The following PDE10A variants were observed in gnomAD, a reference collection of about 807,000 sequenced individuals.
PDE10A encodes phosphodiesterase 10A.
In PDE10A, 39 loss-of-function variants were observed where a neutral mutation model predicts 97.7. The observed-to-expected ratio is 0.40, with a 90% CI of 0.31 to 0.52. The LOEUF is 0.52. Among genes scored for constraint, PDE10A ranks in the 20% least tolerant of loss-of-function variants. The pLI is 0.56. For synonymous variants in PDE10A, 371 were observed against 376.8 expected (o/e 0.98, Z 0.18); for missense variants, 731 against 1,047.8 (o/e 0.70, Z 4.17).
At chr6:165,412,780 A>G (rs1013399268) in intron 13 of PDE10A, among the ~76,000 whole-genome samples, 6 of 152,178 alleles carry the variant, frequency 3.9e-5, no homozygotes, top group Non-Finnish European at 7.3e-5. Flanking sequence ...TAAGGGGGCA[A>G]CTGAATGTAT....
chr6:165,798,285 G>A (rs949518278), intron 1 of PDE10A, among the ~76,000 whole-genome samples: 5 of 152,006 alleles, frequency 3.3e-5, no homozygotes, highest in African/African-American at 9.7e-5. Context: ...TGTAAAATTG[G>A]GCCCTTCTGA....
chr6:165,363,334 G>T (rs974743218), intron 18 of PDE10A, among the ~76,000 whole-genome samples: 2 of 150,868 alleles, frequency 1.3e-5, no homozygotes, highest in African/African-American at 4.8e-5. Flanking sequence ...GGTCAAGATG[G>T]TGAAACCCCG....
chr6:165,385,849 T>C (rs1005540119), intron 17 of PDE10A, among the ~76,000 whole-genome samples: 1 of 152,224 alleles, frequency 6.6e-6, no homozygotes, highest in South Asian at 2.1e-4. Flanking sequence ...ATCGAACATA[T>C]AAATTTGTTT....
rs1426058986 is a variant in PDE10A at position 165,764,685 on chromosome 6, C to T, written c.-614-221117G>A. Among the ~76,000 whole-genome samples the T allele has an allele frequency of 3.3e-5, 5 of 151,958 alleles. No homozygotes were observed. In the East Asian group the frequency reaches 5.8e-4, roughly 18 times the overall value. ...CCTCCTGGCGGGCTTATAGTCCCAC[C>T]GGCTCAGGAGTGAAGCTGCAGACCT... On this transcript the variant is annotated intron_variant, in intron 1 of 19. Coordinates refer to the PDE10A transcript ENST00000366882.
chr6:165,916,310 G>C (rs573750029), intron 1 of PDE10A, among the ~76,000 whole-genome samples: 1 of 152,256 alleles, frequency 6.6e-6, no homozygotes, highest in South Asian at 2.1e-4. Flanking sequence ...GATTCCACAC[G>C]TTCTTCTCTG....
intron 1 of PDE10A, among the ~76,000 whole-genome samples, chr6:165,869,340 T>A (rs1321283247): frequency 1.8e-5 from 2 of 111,826 alleles, no homozygotes; most frequent in East Asian, 6.8e-4. Context: ...GTCTCATTTA[T>A]AATACTACAA....
In PDE10A at chr6:165,482,317, T is replaced by C; in HGVS notation, c.1021A>G (p.Arg341Gly). 1 of 1,595,926 alleles carries C rather than the reference T, an allele frequency of 6.3e-7. No homozygotes were observed. The highest frequency in any genetic ancestry group is 8.6e-7 in the Non-Finnish European group (1 of 1,163,650). The change falls in exon 3 of 22, where the codon AGG (arginine) becomes GGG (glycine). Residue 341 changes from arginine to glycine, a missense_variant and splice_region_variant. This residue lies in a region of PDE10A where 181 missense variants were observed against 159.1 expected (regional missense o/e 1.14). Coordinates refer to ENST00000539869, the MANE Select transcript of PDE10A (RefSeq NM_001385079.1). ...EDESAPKEVS[R>G]YQDTNMQGVV... The stretch of plus-strand genomic sequence containing the variant: ...GAAATAATATTCACATCACTTACCC[T>C]GCTGACTTCCTTAGGAGCTGATTCA...
At chr6:165,544,759 G>A (rs1783649670) in intron 1 of PDE10A, among the ~76,000 whole-genome samples, 1 of 151,750 alleles carries the variant, frequency 6.6e-6, no homozygotes, top group Non-Finnish European at 1.5e-5. Flanking sequence ...ACAACAGAAT[G>A]GTATAACTGA....
chr6:165,578,980 A>G lies in PDE10A; in HGVS notation c.866-35412T>C, dbSNP rs115880434. Among the ~76,000 whole-genome samples, 218 of 152,346 alleles carry G rather than the reference A, an allele frequency of 1.4e-3. 1 individual carries two copies. Among genetic ancestry groups the G allele is most frequent in the African/African-American group, 4.4e-3 (185 of 41,588 alleles). On this transcript the variant is annotated intron_variant, in intron 1 of 21. Transcript: ENST00000539869. ...GCTTCTCACAAACAAATGGACACCC[A>G]CATTGAGCCTTGTAATCCACGAACA...
At chr6:165,647,991 T>C (rs28526472) in intron 1 of PDE10A, among the ~76,000 whole-genome samples, 2 of 152,236 alleles carry the variant, frequency 1.3e-5, no homozygotes, top group Non-Finnish European at 2.9e-5. Flanking sequence ...GTTTAACAAA[T>C]ACAGGCACAC....
At chr6:165,854,203 C>T (rs1442226591) in intron 1 of PDE10A, among the ~76,000 whole-genome samples, 3 of 152,210 alleles carry the variant, frequency 2.0e-5, no homozygotes, top group Non-Finnish European at 4.4e-5. Flanking sequence ...ACCCGGAGAC[C>T]CGGCAGCCAG....
intron 1 of PDE10A, among the ~76,000 whole-genome samples, chr6:165,888,046 G>A (rs562734984): frequency 3.9e-5 from 6 of 152,122 alleles, no homozygotes; most frequent in South Asian, 2.1e-4. Flanking sequence ...GGGGATGCTC[G>A]CTCCTTAAGG....
chr6:165,760,099 T>C (rs1197702315), intron 1 of PDE10A, among the ~76,000 whole-genome samples: 2 of 152,202 alleles, frequency 1.3e-5, no homozygotes, highest in African/African-American at 2.4e-5. Context: ...AGGACTCTTC[T>C]CCAGAAATAA....
At chr6:165,582,718 T>C (rs1309573124) in intron 1 of PDE10A, among the ~76,000 whole-genome samples, 1 of 152,158 alleles carries the variant, frequency 6.6e-6, no homozygotes, top group African/African-American at 2.4e-5. Flanking sequence ...TTTACTACCT[T>C]GTCTTGTTTT....
intron 1 of PDE10A, among the ~76,000 whole-genome samples, chr6:165,821,143 T>C (rs915760999): frequency 2.0e-5 from 3 of 152,148 alleles, no homozygotes; most frequent in South Asian, 4.1e-4. Flanking sequence ...ACCTGCTCAA[T>C]TGGAAGGACA....
chr6:165,601,587 AT>A (rs903085855), intron 1 of PDE10A, among the ~76,000 whole-genome samples: 1 of 152,150 alleles, frequency 6.6e-6, no homozygotes, highest in East Asian at 1.9e-4. Context: ...AAGAGTAATT[AT>A]TTTCAAGATT....
chr6:165,884,618 T>G (rs1483665709), intron 1 of PDE10A, among the ~76,000 whole-genome samples: 2 of 152,258 alleles, frequency 1.3e-5, no homozygotes, highest in Non-Finnish European at 2.9e-5. Flanking sequence ...ATGGGTTTGT[T>G]TGACTCAAAC....
intron 1 of PDE10A, among the ~76,000 whole-genome samples, chr6:165,640,772 A>C (rs78514020): frequency 0.012 from 1,828 of 152,378 alleles, 44 homozygotes; most frequent in African/African-American, 0.042. Flanking sequence ...AGTAGTTTAT[A>C]AATTTGTTTA....
chr6:165,985,051 T>C (rs1785144558), intron 1 of PDE10A, among the ~76,000 whole-genome samples: 1 of 152,178 alleles, frequency 6.6e-6, no homozygotes, highest in Non-Finnish European at 1.5e-5. Flanking sequence ...TCTCTCTGGA[T>C]ACTCTGCCCA....
Sources: gnomAD v4.1 joint callset for allele counts (sites outside exome capture counted in the v4.1 genomes callset) on GRCh38, gnomAD v4.1.1 for gene constraint, gnomAD v4.1.1 regional missense constraint, MANE v1.5 for transcripts, NCBI Gene and HGNC (gene_info 2026-07-23, HGNC 2026-07-21) for gene names.